The following RAB31 variants were observed in gnomAD, a reference collection of about 807,000 sequenced individuals.
RAB31 encodes the protein RAB31, member RAS oncogene family, also known as ras-related protein Rab-31.
Under a neutral mutation model 25.6 loss-of-function variants are expected in RAB31, and 21 were observed. The ratio of observed to expected loss-of-function variants is 0.82; its 90% CI spans 0.58 to 1.18. The LOEUF is 1.18. Among genes scored for constraint, RAB31 ranks in the 50% most tolerant of loss-of-function variants. The pLI is 0.00. For missense variants in RAB31, 196 were observed against 250.1 expected (o/e 0.78, Z 1.46); for synonymous variants, 87 against 84.0 (o/e 1.04, Z -0.20).
intron 5 of RAB31, among the ~76,000 whole-genome samples, chr18:9,825,956 C>G (rs1030657260): frequency 1.3e-5 from 2 of 152,140 alleles, no homozygotes; most frequent in African/African-American, 4.8e-5. Flanking sequence ...GAGTGGGGGA[C>G]AGTTGCAAAA....
chr18:9,843,122 G>A (rs1384152089), intron 5 of RAB31, among the ~76,000 whole-genome samples: 2 of 152,162 alleles, frequency 1.3e-5, no homozygotes, highest in East Asian at 1.9e-4. Flanking sequence ...TCTCACCTGC[G>A]GGCCCAGAGG....
chr18:9,740,446 G>C (rs1477517794), intron 1 of RAB31, among the ~76,000 whole-genome samples: 1 of 152,192 alleles, frequency 6.6e-6, no homozygotes, highest in Non-Finnish European at 1.5e-5. Context: ...GGACGTGGTG[G>C]CTCTCGCCTG....
intron 1 of RAB31, among the ~76,000 whole-genome samples, chr18:9,730,162 A>G (rs957409512): frequency 2.0e-5 from 3 of 152,258 alleles, no homozygotes; most frequent in Non-Finnish European, 4.4e-5. Flanking sequence ...GTTTAAAAAC[A>G]ACTTCTGCAT....
intron 6 of RAB31, 63 bp downstream of exon 6, chr18:9,845,754 A>G: frequency 6.8e-7 from 1 of 1,479,160 alleles, no homozygotes; most frequent in Non-Finnish European, 9.0e-7. Flanking sequence ...GAGTCAAAGG[A>G]TAACATTTTA....
chr18:9,793,620 C>A (rs1179181586), intron 3 of RAB31, among the ~76,000 whole-genome samples: 2 of 147,670 alleles, frequency 1.4e-5, no homozygotes, highest in African/African-American at 5.4e-5. Flanking sequence ...CGAGATCATG[C>A]CACTGCACTG....
At chr18:9,742,377 G>A (rs191796741) in intron 1 of RAB31, among the ~76,000 whole-genome samples, 6 of 152,270 alleles carry the variant, frequency 3.9e-5, no homozygotes, top group African/African-American at 1.2e-4. Context: ...CGGATGGTCC[G>A]GAAGAGCAAA....
At chr18:9,712,041 A>G (rs561737057) in intron 1 of RAB31, among the ~76,000 whole-genome samples, 2 of 152,268 alleles carry the variant, frequency 1.3e-5, no homozygotes, top group East Asian at 3.9e-4. Context: ...CTGACGTTAG[A>G]GTCATTTGCA....
chr18:9,735,069 G>C, intron 1 of RAB31: 1 of 161,654 alleles, frequency 6.2e-6, no homozygotes, highest in Non-Finnish European at 1.4e-5. Flanking sequence ...CCAGGCTGGA[G>C]TGCAGTGGTG....
intron 1 of RAB31, among the ~76,000 whole-genome samples, chr18:9,727,055 G>A (rs765316356): frequency 8.5e-5 from 13 of 152,106 alleles, no homozygotes; most frequent in Non-Finnish European, 1.3e-4. Context: ...ATTAATAGAC[G>A]TTCTTAGGAC....
At chr18:9,784,079 C>T (rs973049921) in intron 2 of RAB31, among the ~76,000 whole-genome samples, 1 of 152,158 alleles carries the variant, frequency 6.6e-6, no homozygotes. Flanking sequence ...CTGTGTCACC[C>T]AAGCTGGAGT....
In RAB31 at chr18:9,738,428, G is replaced by A. The variant is rs537913539; in HGVS notation, c.39+29984G>A. On this transcript the variant is annotated intron_variant, in intron 1 of 6. Coordinates refer to ENST00000578921, the MANE Select transcript of RAB31 (RefSeq NM_006868.4). ...GGGACCTCCAGGGAAGGGAAGGGGCGGAAGGTTGAGTTGATCACCAGTGGC... is the reference window on the plus strand; with the variant it reads ...GGGACCTCCAGGGAAGGGAAGGGGCAGAAGGTTGAGTTGATCACCAGTGGC... 3.9e-5 allele frequency among the ~76,000 whole-genome samples: 6 copies of A among 152,250 alleles called. No homozygotes were observed. The East Asian group carries it at 5.8e-4, about 15-fold the overall frequency.
intron 5 of RAB31, among the ~76,000 whole-genome samples, chr18:9,839,943 C>T (rs569887055): frequency 1.2e-4 from 18 of 152,182 alleles, no homozygotes; most frequent in Non-Finnish European, 1.8e-4. Context: ...CTCCCGCCCT[C>T]CCCATCCCGC....
chr18:9,766,738 A>G lies in RAB31; in HGVS notation c.40-8540A>G, dbSNP rs2068318368. Among the ~76,000 whole-genome samples the G allele has an allele frequency of 6.6e-6, 1 of 152,130 alleles. No homozygotes were observed. On this transcript the variant is annotated intron_variant, in intron 1 of 6. Transcript: ENST00000578921. This position sits in a 1 kb window ranked among gnomAD's most constrained non-coding sequence, Gnocchi z 4.3. ...GGGAGGCTGAGGTGGGGATCGCTTGAGGCCAGGAGTTTGAGACCAGCCTGG... is the reference window on the plus strand; with the variant it reads ...GGGAGGCTGAGGTGGGGATCGCTTGGGGCCAGGAGTTTGAGACCAGCCTGG...
chr18:9,778,496 A>G (rs148194160), intron 2 of RAB31, among the ~76,000 whole-genome samples: 15 of 152,250 alleles, frequency 9.9e-5, no homozygotes, highest in African/African-American at 2.2e-4. Flanking sequence ...TTGGCTCAAA[A>G]GTCTTGCTCT....
At chr18:9,764,745 T>G (rs573670748) in intron 1 of RAB31, among the ~76,000 whole-genome samples, 12 of 152,178 alleles carry the variant, frequency 7.9e-5, no homozygotes, top group Non-Finnish European at 1.5e-4. Flanking sequence ...GTATGTGGGC[T>G]TCTGATTCTT....
chr18:9,839,094 G>A (rs539677760), intron 5 of RAB31, among the ~76,000 whole-genome samples: 52 of 152,358 alleles, frequency 3.4e-4, no homozygotes, highest in African/African-American at 1.2e-3. Context: ...GACATCCACA[G>A]CCTGTTTGAA....
rs78494784 is a variant in RAB31 at position 9,775,936 on chromosome 18, G to A, written c.119+579G>A. On this transcript the variant is annotated intron_variant, in intron 2 of 6. Coordinates refer to ENST00000578921, the MANE Select transcript of RAB31 (RefSeq NM_006868.4). ...CCTGAGTAGCTGGGATTACAGGTGCGCACCACCATGCCTGGCTATTTTTTT... is the reference window on the plus strand; with the variant it reads ...CCTGAGTAGCTGGGATTACAGGTGCACACCACCATGCCTGGCTATTTTTTT... Among the ~76,000 whole-genome samples, 27 of 152,046 alleles carry A rather than the reference G, an allele frequency of 1.8e-4. 1 individual carries two copies. The highest frequency in any genetic ancestry group is 5.9e-5 in the Non-Finnish European group (4 of 68,006).
At chr18:9,807,182 A>G (rs564047444) in intron 3 of RAB31, among the ~76,000 whole-genome samples, 4 of 152,238 alleles carry the variant, frequency 2.6e-5, no homozygotes, top group Non-Finnish European at 5.9e-5. Context: ...GGCTCTAGGC[A>G]CATGGGGGTA....
At chr18:9,831,336 T>C (rs930051091) in intron 5 of RAB31, among the ~76,000 whole-genome samples, 2 of 152,260 alleles carry the variant, frequency 1.3e-5, no homozygotes, top group Non-Finnish European at 2.9e-5. Context: ...CTTTGACATA[T>C]GCCTATCATT....
Sources: allele counts gnomAD v4.1 joint callset (sites outside exome capture counted in the v4.1 genomes callset), GRCh38; gene constraint gnomAD v4.1.1; non-coding constraint Gnocchi (gnomAD v3.1); transcripts MANE v1.5; gene names NCBI Gene and HGNC (gene_info 2026-07-23, HGNC 2026-07-21).